The following RSU1 variants were observed in gnomAD, a reference collection of about 807,000 sequenced individuals.
RSU1 encodes rsu-1.
A neutral mutation model predicts 31.1 loss-of-function variants in RSU1; 26 were observed. The observed-to-expected ratio is 0.84, with a 90% CI of 0.61 to 1.16. The LOEUF (loss-of-function observed/expected upper bound fraction) is 1.16. Among genes scored for constraint, RSU1 ranks in the 50% most tolerant of loss-of-function variants. The probability of loss-of-function intolerance (pLI) is 0.00; values close to 1 mark genes in which losing one functional copy is unlikely to be tolerated. For missense variants in RSU1, 320 were observed against 339.1 expected (o/e 0.94, Z 0.44); for synonymous variants, 164 against 136.3 (o/e 1.20, Z -1.41).
At chr10:16,780,555 T>C (rs1176268594) in intron 3 of RSU1, among the ~76,000 whole-genome samples, 3 of 152,254 alleles carry the variant, frequency 2.0e-5, no homozygotes, top group South Asian at 2.1e-4. Context: ...TTTTGCTTTC[T>C]TGTGTAAACT....
intron 3 of RSU1, among the ~76,000 whole-genome samples, chr10:16,772,056 G>A (rs1465376849): frequency 6.6e-6 from 1 of 152,154 alleles, no homozygotes; most frequent in Non-Finnish European, 1.5e-5. Context: ...GCTGCCTCAG[G>A]ATTCTATAGC....
chr10:16,645,003 C>T (rs1249997206), intron 8 of RSU1, among the ~76,000 whole-genome samples: 2 of 152,112 alleles, frequency 1.3e-5, no homozygotes, highest in Non-Finnish European at 2.9e-5. Flanking sequence ...GCTCTGATTT[C>T]TCAACACGCT....
chr10:16,644,645 C>T (rs1321694402), intron 8 of RSU1, among the ~76,000 whole-genome samples: 1 of 152,116 alleles, frequency 6.6e-6, no homozygotes, highest in East Asian at 1.9e-4. Context: ...AACTGCCACA[C>T]ATAGCGCAGT....
intron 2 of RSU1, among the ~76,000 whole-genome samples, chr10:16,790,018 GC>G (rs1837879238): frequency 6.6e-6 from 1 of 152,032 alleles, no homozygotes; most frequent in Admixed American, 6.6e-5. Context: ...ACAGAGGGAA[GC>G]AAAATCAATG....
intron 8 of RSU1, among the ~76,000 whole-genome samples, chr10:16,686,736 G>C (rs1250986782): frequency 6.6e-6 from 1 of 152,104 alleles, no homozygotes; most frequent in East Asian, 1.9e-4. Context: ...GGAATAGGAG[G>C]AGAGAGACAC....
At position 16,592,465 on chromosome 10, in the gene RSU1, G is replaced by C. The variant is rs1833524443; in HGVS notation, c.*929C>G. ...CAACTGTGGTTTCCACCCTGGGTGT[G>C]GTGTAGCGCGTGCACATTTACACAA... is the stretch of plus-strand genomic sequence containing the variant. On this transcript the variant is annotated 3_prime_UTR_variant, in exon 9 of 9. Transcript: ENST00000345264. The C allele has an allele frequency of 6.6e-6, 1 of 152,178 alleles. No homozygotes were observed. The highest frequency in any genetic ancestry group is 1.5e-5 in the Non-Finnish European group (1 of 68,030). 9.4% of individuals were successfully genotyped at this position (152,178 alleles called of 1,614,324 possible). A position where few individuals can be genotyped will look rare whatever the true frequency, so the allele number is the denominator to read the frequency against.
intron 8 of RSU1, among the ~76,000 whole-genome samples, chr10:16,639,018 C>T (rs1352247601): frequency 3.3e-5 from 5 of 152,148 alleles, no homozygotes; most frequent in Non-Finnish European, 7.3e-5. Context: ...TCCTTTAATG[C>T]AAAACAATCT....
chr10:16,701,765 T>C (rs779255764), intron 7 of RSU1, among the ~76,000 whole-genome samples: 5 of 152,176 alleles, frequency 3.3e-5, no homozygotes, highest in Non-Finnish European at 7.3e-5. Context: ...GCATTTTACA[T>C]TGCTTCCATC....
intron 7 of RSU1, among the ~76,000 whole-genome samples, chr10:16,751,752 G>A (rs61249416): frequency 0.053 from 8,093 of 152,274 alleles, 242 homozygotes; most frequent in Middle Eastern, 0.075. Context: ...TTTTGGAGTA[G>A]AAAAGCAAAT....
intron 8 of RSU1, among the ~76,000 whole-genome samples, chr10:16,686,748 C>A (rs972475990): frequency 6.6e-6 from 1 of 152,106 alleles, no homozygotes; most frequent in African/African-American, 2.4e-5. Flanking sequence ...GAGAGACACA[C>A]ACAGAGAGAG....
At chr10:16,745,120 G>C (rs1425461006) in intron 7 of RSU1, among the ~76,000 whole-genome samples, 2 of 152,124 alleles carry the variant, frequency 1.3e-5, no homozygotes, top group East Asian at 3.9e-4. Flanking sequence ...GACTGTTTCA[G>C]AAGAGCCCAG....
intron 8 of RSU1, among the ~76,000 whole-genome samples, chr10:16,633,445 C>T (rs1436703011): frequency 6.6e-6 from 1 of 152,014 alleles, no homozygotes; most frequent in Non-Finnish European, 1.5e-5. Context: ...AACACCCATC[C>T]CCACCTGGGG....
intron 7 of RSU1, among the ~76,000 whole-genome samples, chr10:16,715,793 C>T (rs1836127672): frequency 6.6e-6 from 1 of 152,180 alleles, no homozygotes; most frequent in Non-Finnish European, 1.5e-5. Context: ...AGGTCTGTTG[C>T]AATTCCATAT....
At chr10:16,682,637 C>T (rs1835352233) in intron 8 of RSU1, among the ~76,000 whole-genome samples, 2 of 151,846 alleles carry the variant, frequency 1.3e-5, no homozygotes, top group African/African-American at 4.8e-5. Context: ...CCTACTCTGT[C>T]TCTGGAGTAG....
At chr10:16,595,350 C>T (rs969498606) in intron 8 of RSU1, among the ~76,000 whole-genome samples, 4 of 152,350 alleles carry the variant, frequency 2.6e-5, no homozygotes, top group African/African-American at 9.6e-5. Flanking sequence ...ATACTGTATT[C>T]TAACTATTCC....
intron 8 of RSU1, among the ~76,000 whole-genome samples, chr10:16,616,094 GAGA>G (rs1383234936): frequency 2.0e-5 from 3 of 152,038 alleles, no homozygotes; most frequent in Admixed American, 2.0e-4. Context: ...TTGGTTTTTT[GAGA>G]AGATTAGCAA....
intron 8 of RSU1, among the ~76,000 whole-genome samples, chr10:16,680,440 G>T (rs776016500): frequency 6.6e-6 from 1 of 152,130 alleles, no homozygotes; most frequent in Non-Finnish European, 1.5e-5. Context: ...AATACCTGAG[G>T]CTAGGCAATT....
rs572470596 is a variant in RSU1, at chr10:16,614,911, G to A, written c.732-21415C>T. On this transcript the variant is annotated intron_variant, in intron 8 of 8. Transcript: ENST00000345264. ...CACTAAATATGGAAAGGAAAAATTT[G>A]TAACAGCCACTGCAAAAATATAACA... 3.9e-5 allele frequency among the ~76,000 whole-genome samples: 6 copies of A among 152,254 alleles called. No individual in the cohort carries two copies. The South Asian group carries it at 1.0e-3, about 26-fold the overall frequency.
At chr10:16,809,017 G>A (rs954765962) in intron 2 of RSU1, among the ~76,000 whole-genome samples, 2 of 152,164 alleles carry the variant, frequency 1.3e-5, no homozygotes, top group African/African-American at 2.4e-5. Flanking sequence ...CTCCAGGACC[G>A]TGGGAAATAA....
Sources: allele counts gnomAD v4.1 joint callset (sites outside exome capture counted in the v4.1 genomes callset), GRCh38; gene constraint gnomAD v4.1.1; transcripts MANE v1.5; gene names NCBI Gene and HGNC (gene_info 2026-07-23, HGNC 2026-07-21).